GPC3: variants seen among roughly 807,000 people sequenced by gnomAD.
GPC3 encodes the protein glypican-3.
A neutral mutation model predicts 34.4 loss-of-function variants in GPC3; 3 were observed. The ratio of observed to expected loss-of-function variants is 0.09; its 90% CI spans 0.04 to 0.23. GPC3 has a LOEUF of 0.23. GPC3 is among the 10% of genes least tolerant of loss of function. The probability of loss-of-function intolerance (pLI) is 1.00; values close to 1 mark genes in which losing one functional copy is unlikely to be tolerated. For synonymous variants in GPC3, 177 were observed against 174.0 expected (o/e 1.02, Z -0.13); for missense variants, 351 against 445.6 (o/e 0.79, Z 1.91).
intron 6 of GPC3, among the ~76,000 whole-genome samples, chrX:133,626,404 C>T (rs912471336): frequency 9.0e-6 from 1 of 111,031 alleles, no homozygotes; most frequent in Admixed American, 9.7e-5. Context: ...AAAATTTTTA[C>T]AATCTACCCA....
chrX:133,829,747 G>A (rs1409041461), intron 2 of GPC3, among the ~76,000 whole-genome samples: 2 of 111,248 alleles, frequency 1.8e-5, no homozygotes, highest in Non-Finnish European at 3.8e-5. Context: ...AGAAAGCTGG[G>A]CTAGCTATAT....
intron 7 of GPC3, among the ~76,000 whole-genome samples, chrX:133,537,134 C>G (rs2069300284): frequency 8.9e-6 from 1 of 111,975 alleles, no homozygotes; most frequent in South Asian, 3.7e-4. Context: ...CTAAGGAAGA[C>G]AGTGGTTTAT....
chrX:133,902,336 T>G (rs2076147568), intron 2 of GPC3, among the ~76,000 whole-genome samples: 1 of 112,644 alleles, frequency 8.9e-6, no homozygotes, highest in Non-Finnish European at 1.9e-5. Context: ...AAAAAATAAT[T>G]ATCTACATCT....
intron 2 of GPC3, among the ~76,000 whole-genome samples, chrX:133,794,464 G>A (rs1309722807): frequency 1.8e-5 from 2 of 111,735 alleles, no homozygotes; most frequent in Non-Finnish European, 3.8e-5. Context: ...AATATACAAC[G>A]TTAACACCAG....
rs779592796 is a variant in GPC3, at chrX:133,552,059, T to A, written c.1574-15766A>T. Among the ~76,000 whole-genome samples, 12 of 112,805 alleles carry A rather than the reference T, an allele frequency of 1.1e-4. No homozygotes were observed. The South Asian group carries it at 4.4e-3, about 41-fold the overall frequency. ...TGGACTTGAAAGATAAAGAACTTTCTAATAATAAGTGCAATCTGGAAATTG... is the reference window on the plus strand; with the variant it reads ...TGGACTTGAAAGATAAAGAACTTTCAAATAATAAGTGCAATCTGGAAATTG... On this transcript the variant is annotated intron_variant, in intron 7 of 7. Transcript: ENST00000370818.
At chrX:133,867,503 TCTATTC>T (rs1417763420) in intron 2 of GPC3, among the ~76,000 whole-genome samples, 1 of 109,945 alleles carries the variant, frequency 9.1e-6, no homozygotes, top group Admixed American at 9.8e-5. Context: ...GTCTTTGGCA[TCTATTC>T]ATCCCACCTA....
chrX:133,725,315 C>A (rs138963196), intron 3 of GPC3, among the ~76,000 whole-genome samples: 2 of 111,410 alleles, frequency 1.8e-5, no homozygotes, highest in African/African-American at 6.5e-5. Flanking sequence ...CTTGAGCCCA[C>A]GAGTTCGAGA....
At position 133,800,121 on chromosome X, in the gene GPC3, T is replaced by C. The variant is rs1405795743; in HGVS notation, c.338-45945A>G. On this transcript the variant is annotated intron_variant, in intron 2 of 7. Coordinates refer to ENST00000370818, the MANE Select transcript of GPC3 (RefSeq NM_004484.4). The stretch of plus-strand genomic sequence containing the variant: ...CATTCTTTCTTTGGCTTCCCAAAGA[T>C]TGGTTCCTTTGGGGAAACTGACACA... Among the ~76,000 whole-genome samples the C allele has an allele frequency of 9.8e-5, 11 of 112,186 alleles. No homozygotes were observed. The Admixed American group carries it at 1.0e-3, about 11-fold the overall frequency.
chrX:133,778,674 A>G (rs2072013626), intron 2 of GPC3, among the ~76,000 whole-genome samples: 1 of 111,716 alleles, frequency 9.0e-6, no homozygotes, highest in African/African-American at 3.3e-5. Flanking sequence ...ATGATAGCCA[A>G]AGACATGCAA....
intron 2 of GPC3, among the ~76,000 whole-genome samples, chrX:133,932,416 G>C (rs1569456331): frequency 8.9e-6 from 1 of 111,967 alleles, no homozygotes; most frequent in African/African-American, 3.2e-5. Context: ...CTATGTTTGA[G>C]AAAGGACATG....
At chrX:133,873,736 A>G (rs2076004311) in intron 2 of GPC3, among the ~76,000 whole-genome samples, 1 of 111,753 alleles carries the variant, frequency 8.9e-6, no homozygotes, top group Non-Finnish European at 1.9e-5. Flanking sequence ...CTAATACAGT[A>G]AAGATAAGGA....
At chrX:133,731,001 A>G (rs967151586) in intron 3 of GPC3, among the ~76,000 whole-genome samples, 3 of 112,394 alleles carry the variant, frequency 2.7e-5, no homozygotes, top group Non-Finnish European at 5.6e-5. Context: ...TTCTAAATGG[A>G]AAGTAAAGAA....
chrX:133,606,064 T>A (rs1043913963), intron 6 of GPC3, among the ~76,000 whole-genome samples: 2 of 112,256 alleles, frequency 1.8e-5, no homozygotes, highest in Non-Finnish European at 3.8e-5. Context: ...ACTTTATGGT[T>A]TGTGAATGCA....
At chrX:133,977,424 A>T (rs1195526150) in intron 1 of GPC3, among the ~76,000 whole-genome samples, 3 of 112,294 alleles carry the variant, frequency 2.7e-5, no homozygotes, top group African/African-American at 9.7e-5. Flanking sequence ...TCCATACTCA[A>T]ATATTTTCCA....
In GPC3 at chrX:133,824,567, C is replaced by T. The variant is rs369984834; in HGVS notation, c.338-70391G>A. On this transcript the variant is annotated intron_variant, in intron 2 of 7. Coordinates refer to ENST00000370818, the MANE Select transcript of GPC3 (RefSeq NM_004484.4). ...GTTAACAGTAAGATATGGTATATTA[C>T]AAAACAGCTAAAAGAGAAGCTTTTG... Among the ~76,000 whole-genome samples, 13 of 111,548 alleles carry T rather than the reference C, an allele frequency of 1.2e-4. No homozygotes were observed. In the East Asian group the frequency reaches 3.4e-3, roughly 29 times the overall value.
chrX:133,699,630 T>C (rs1009504666), intron 4 of GPC3, among the ~76,000 whole-genome samples: 5 of 112,149 alleles, frequency 4.5e-5, no homozygotes, highest in African/African-American at 1.6e-4. Flanking sequence ...TTTTGCTTAA[T>C]CAATAAAAGA....
At chrX:133,911,308 G>A (rs1410415522) in intron 2 of GPC3, among the ~76,000 whole-genome samples, 10 of 111,716 alleles carry the variant, frequency 9.0e-5, no homozygotes, top group African/African-American at 3.3e-4. Flanking sequence ...TGCTAGTTGT[G>A]AACAGATCAC....
At chrX:133,798,985 G>A (rs1425983965) in intron 2 of GPC3, among the ~76,000 whole-genome samples, 1 of 111,890 alleles carries the variant, frequency 8.9e-6, no homozygotes, top group African/African-American at 3.3e-5. Context: ...ATAAAAATGT[G>A]GTCCCCTTAT....
chrX:133,984,231 C>T (rs1488378161), intron 1 of GPC3, among the ~76,000 whole-genome samples: 3 of 113,674 alleles, frequency 2.6e-5, no homozygotes, highest in Non-Finnish European at 5.6e-5. Context: ...AGGCCACAAA[C>T]GTCTCACGGT....
Sources: allele counts gnomAD v4.1 joint callset (sites outside exome capture counted in the v4.1 genomes callset), GRCh38; gene constraint gnomAD v4.1.1; transcripts MANE v1.5; gene names NCBI Gene and HGNC (gene_info 2026-07-23, HGNC 2026-07-21).